Variants in PAM observed in about 807,000 individuals in gnomAD.
PAM encodes the protein peptidyl-glycine alpha-amidating monooxygenase.
PAM carries 72 observed loss-of-function variants against 122.1 expected under a neutral mutation model. That is an observed-to-expected ratio of 0.59 (90% CI 0.49 to 0.72). The LOEUF (loss-of-function observed/expected upper bound fraction) is 0.72, where lower values mean the gene tolerates loss of function less well. Ranked by LOEUF, PAM falls within the 30% of genes least tolerant of loss-of-function variation. The probability of loss-of-function intolerance (pLI) is 0.00; values close to 1 mark genes in which losing one functional copy is unlikely to be tolerated. For synonymous variants in PAM, 389 were observed against 404.4 expected (o/e 0.96, Z 0.46); for missense variants, 1,106 against 1,183.7 (o/e 0.93, Z 0.96).
chr5:102,967,716 C>CTTT (rs199841427), intron 14 of PAM, among the ~76,000 whole-genome samples: 13 of 131,058 alleles, frequency 9.9e-5, no homozygotes, highest in South Asian at 2.4e-4. Context: ...AAAACTAGGC[C>CTTT]TTTTTTTTTT....
At chr5:103,028,844 C>T in intron 25 of PAM, 43 bp from the exon 26 acceptor site, 1 of 1,387,764 alleles carries the variant, frequency 7.2e-7, no homozygotes, top group Non-Finnish European at 1.0e-6. Flanking sequence ...ACAGACATTG[C>T]TGCAAACTTT....
chr5:102,864,199 A>T (rs1271903315), intron 1 of PAM, among the ~76,000 whole-genome samples: 15 of 132,908 alleles, frequency 1.1e-4, no homozygotes, highest in Admixed American at 8.0e-4. Flanking sequence ...TTTTTTTTTT[A>T]AAGAACTTCA....
intron 23 of PAM, among the ~76,000 whole-genome samples, chr5:103,023,648 T>G (rs1784235293): frequency 6.6e-6 from 1 of 152,068 alleles, no homozygotes; most frequent in South Asian, 2.1e-4. Context: ...CTTTCAAGTT[T>G]CAAGAGTCAC....
chr5:102,912,965 A>G (rs186632416), intron 4 of PAM, among the ~76,000 whole-genome samples: 2 of 152,046 alleles, frequency 1.3e-5, no homozygotes, highest in Admixed American at 1.3e-4. Context: ...GGTGTAGAAC[A>G]TTTTTTTGTT....
chr5:103,020,643 A>G (rs896770427), intron 23 of PAM, among the ~76,000 whole-genome samples: 32 of 152,114 alleles, frequency 2.1e-4, no homozygotes, highest in African/African-American at 7.2e-4. Flanking sequence ...TGAGTTGCTC[A>G]TGTTACCTAA....
chr5:102,761,544 T>G (rs1752372744), intron 1 of PAM, among the ~76,000 whole-genome samples: 1 of 152,316 alleles, frequency 6.6e-6, no homozygotes, highest in Non-Finnish European at 1.5e-5. Flanking sequence ...TACTACCTGC[T>G]TTTTCCGTGG....
At chr5:102,961,757 A>G (rs991927778) in intron 14 of PAM, among the ~76,000 whole-genome samples, 1 of 151,940 alleles carries the variant, frequency 6.6e-6, no homozygotes, top group Non-Finnish European at 1.5e-5. Context: ...GTTTAAAAAA[A>G]GCATCATTCT....
intron 3 of PAM, among the ~76,000 whole-genome samples, chr5:102,868,030 C>T (rs1053061562): frequency 5.9e-5 from 9 of 152,260 alleles, no homozygotes; most frequent in African/African-American, 1.2e-4. Flanking sequence ...TTTAGGTACA[C>T]GCAAGAAGCT....
At chr5:102,814,427 T>A (rs550148154) in intron 1 of PAM, among the ~76,000 whole-genome samples, 1 of 151,894 alleles carries the variant, frequency 6.6e-6, no homozygotes, top group African/African-American at 2.4e-5. Context: ...TGGGTGATGG[T>A]GCACTAAGTA....
intron 3 of PAM, among the ~76,000 whole-genome samples, chr5:102,884,282 A>T (rs1218025123): frequency 1.3e-5 from 2 of 151,840 alleles, no homozygotes; most frequent in East Asian, 3.9e-4. Flanking sequence ...AACAAAAAGG[A>T]TACAGCTAGA....
At chr5:102,948,328 T>C (rs1317276502) in intron 8 of PAM, 50 bp from the exon 9 acceptor site, 2 of 1,008,886 alleles carry the variant, frequency 2.0e-6, no homozygotes, top group East Asian at 2.4e-5. Flanking sequence ...TCCAAAACAG[T>C]CATTTTGACT....
intron 16 of PAM, among the ~76,000 whole-genome samples, chr5:102,999,530 T>A (rs1225985847): frequency 6.6e-6 from 1 of 152,190 alleles, no homozygotes; most frequent in African/African-American, 2.4e-5. Flanking sequence ...TCGTGGGGGC[T>A]CTCACCCCAC....
At chr5:102,757,063 C>G (rs1227854218) in intron 1 of PAM, among the ~76,000 whole-genome samples, 1 of 152,194 alleles carries the variant, frequency 6.6e-6, no homozygotes, top group Non-Finnish European at 1.5e-5. Context: ...TGCGGTGGCT[C>G]ACGCCTGTAA....
In PAM at chr5:102,974,123, CT is replaced by C. The variant is rs1766813640; in HGVS notation, c.1171del (p.Tyr391IlefsTer8). On this transcript the variant is annotated frameshift_variant, in exon 15 of 26. Transcript: ENST00000438793. LOFTEE classifies it high-confidence loss of function. The stretch of plus-strand genomic sequence containing the variant: ...CTTCTCTTTTTTCCACAGGTGATTT[CT>C]ATTCACTACTTTCCAAGCTGCTAGG... ...EEEVLDQGDF[Y>X]SLLSKLLGER... The C allele has an allele frequency of 1.2e-6, 2 of 1,611,100 alleles. No homozygotes were observed. Among genetic ancestry groups the C allele is most frequent in the Non-Finnish European group, 1.7e-6 (2 of 1,177,776 alleles).
intron 3 of PAM, among the ~76,000 whole-genome samples, chr5:102,898,416 G>A (rs1796765697): frequency 6.6e-6 from 1 of 151,558 alleles, no homozygotes; most frequent in Admixed American, 6.6e-5. Flanking sequence ...GGTAGTTTGG[G>A]TTGAATTATA....
intron 1 of PAM, among the ~76,000 whole-genome samples, chr5:102,807,173 G>A (rs1336447998): frequency 6.6e-6 from 1 of 152,130 alleles, no homozygotes; most frequent in Admixed American, 6.5e-5. Context: ...ACATGTCAAT[G>A]TAATATTCAT....
At chr5:102,889,155 C>A (rs1283146499) in intron 3 of PAM, among the ~76,000 whole-genome samples, 1 of 151,940 alleles carries the variant, frequency 6.6e-6, no homozygotes, top group Non-Finnish European at 1.5e-5. Flanking sequence ...CCTTCTTCAG[C>A]CTGCTCCACG....
At chr5:102,983,970 T>A (rs1323527385) in intron 15 of PAM, among the ~76,000 whole-genome samples, 1 of 152,198 alleles carries the variant, frequency 6.6e-6, no homozygotes, top group Non-Finnish European at 1.5e-5. Context: ...CTTGAGGGAA[T>A]TCATTCGCAT....
chr5:102,835,513 A>T (rs992238306), intron 1 of PAM, among the ~76,000 whole-genome samples: 1 of 152,234 alleles, frequency 6.6e-6, no homozygotes, highest in East Asian at 1.9e-4. Flanking sequence ...TTTTTGTAGG[A>T]TTCACATACC....
Sources: gnomAD v4.1 joint callset for allele counts (sites outside exome capture counted in the v4.1 genomes callset) on GRCh38, gnomAD v4.1.1 for gene constraint, MANE v1.5 for transcripts, NCBI Gene and HGNC (gene_info 2026-07-23, HGNC 2026-07-21) for gene names.